The following BMPR2 variants were observed in gnomAD, a reference collection of about 807,000 sequenced individuals.
BMPR2 encodes bone morphogenetic protein receptor type 2, also known as bone morphogenetic protein receptor type-2.
A neutral mutation model predicts 100.8 loss-of-function variants in BMPR2; 29 were observed. That is an observed-to-expected ratio of 0.29 (90% CI 0.21 to 0.39). BMPR2 has a LOEUF of 0.39. BMPR2 is among the 10% of genes least tolerant of loss of function. BMPR2 has a pLI of 1.00. For synonymous variants in BMPR2, 382 were observed against 442.3 expected (o/e 0.86, Z 1.71); for missense variants, 1,011 against 1,274.5 (o/e 0.79, Z 3.15).
chr2:202,377,388 G>A lies in BMPR2; in HGVS notation c.-87G>A. ...ATACGGGCAGGATCAGTCCACGGGA[G>A]AGAAGACGAGCCTCCCGGCTGTTTC... On this transcript the variant is annotated 5_prime_UTR_variant, in exon 1 of 13. Transcript: ENST00000374580. 1 of 1,300,590 alleles carries A rather than the reference G, an allele frequency of 7.7e-7. No homozygotes were observed. Among genetic ancestry groups the A allele is most frequent in the South Asian group, 1.2e-5 (1 of 84,894 alleles). 80.6% of individuals were successfully genotyped at this position (1,300,590 alleles called of 1,614,324 possible).
At chr2:202,483,933 TAAAAA>T (rs967246899) in intron 3 of BMPR2, among the ~76,000 whole-genome samples, 2 of 151,878 alleles carry the variant, frequency 1.3e-5, no homozygotes, top group African/African-American at 4.8e-5. Context: ...CTCTGAAAAA[TAAAAA>T]GAAAAGTTAG....
At chr2:202,473,184 C>T (rs1192118103) in intron 3 of BMPR2, among the ~76,000 whole-genome samples, 3 of 152,262 alleles carry the variant, frequency 2.0e-5, no homozygotes, top group Non-Finnish European at 2.9e-5. Context: ...CACAGTGGCT[C>T]ATGCCTGTAA....
At chr2:202,390,064 T>C (rs557159923) in intron 1 of BMPR2, among the ~76,000 whole-genome samples, 1 of 152,006 alleles carries the variant, frequency 6.6e-6, no homozygotes, top group Admixed American at 6.6e-5. Flanking sequence ...CCAGTGTTAA[T>C]AGTTGGTGTA....
chr2:202,457,559 TATAGAG>T (rs1218647264), intron 1 of BMPR2, among the ~76,000 whole-genome samples: 7,307 of 88,750 alleles, frequency 0.082, 194 homozygotes, highest in Middle Eastern at 0.15. Flanking sequence ...TATATATATA[TATAGAG>T]AGAGAGAGAG....
intron 1 of BMPR2, among the ~76,000 whole-genome samples, chr2:202,400,547 A>C (rs561456189): frequency 6.6e-6 from 1 of 152,300 alleles, no homozygotes; most frequent in South Asian, 2.1e-4. Context: ...TTCTTTTAAA[A>C]GTACTGGTAG....
At chr2:202,482,702 C>G (rs1692684663) in intron 3 of BMPR2, among the ~76,000 whole-genome samples, 1 of 152,128 alleles carries the variant, frequency 6.6e-6, no homozygotes, top group South Asian at 2.1e-4. Context: ...CTATGTCCAG[C>G]TAATTTTTTT....
chr2:202,404,866 T>C (rs1690856033), intron 1 of BMPR2, among the ~76,000 whole-genome samples: 1 of 152,066 alleles, frequency 6.6e-6, no homozygotes. Context: ...AGGATCTTGC[T>C]CTGCCAGGCT....
chr2:202,478,739 GTC>G (rs1692599064), intron 3 of BMPR2, among the ~76,000 whole-genome samples: 1 of 152,002 alleles, frequency 6.6e-6, no homozygotes, highest in Non-Finnish European at 1.5e-5. Context: ...GCAAAACCCC[GTC>G]TCTACAAAAA....
At chr2:202,535,848 C>G (rs1445885891) in intron 9 of BMPR2, among the ~76,000 whole-genome samples, 1 of 152,172 alleles carries the variant, frequency 6.6e-6, no homozygotes, top group Admixed American at 6.5e-5. Flanking sequence ...CTCGGGAGGC[C>G]GAGGCTGGCG....
chr2:202,437,150 C>T (rs999186639), intron 1 of BMPR2, among the ~76,000 whole-genome samples: 5 of 150,238 alleles, frequency 3.3e-5, no homozygotes, highest in Admixed American at 6.6e-5. Context: ...GGATTACAGG[C>T]GGGCGCCACC....
intron 7 of BMPR2, among the ~76,000 whole-genome samples, chr2:202,528,807 T>C (rs1687965022): frequency 6.6e-6 from 1 of 152,222 alleles, no homozygotes; most frequent in Admixed American, 6.5e-5. Context: ...AAATCATAAA[T>C]CAAACCATCT....
chr2:202,524,229 G>A (rs1042336421), intron 7 of BMPR2, among the ~76,000 whole-genome samples: 1 of 151,980 alleles, frequency 6.6e-6, no homozygotes, highest in Non-Finnish European at 1.5e-5. Context: ...GGGTGTGGTG[G>A]TGGGCGCCTG....
At chr2:202,558,905 A>C (rs1248643000) in intron 12 of BMPR2, among the ~76,000 whole-genome samples, 1 of 151,850 alleles carries the variant, frequency 6.6e-6, no homozygotes, top group East Asian at 1.9e-4. Context: ...AAAAAAAAAA[A>C]AAAAAATCTT....
At chr2:202,399,771 C>G (rs1046650599) in intron 1 of BMPR2, among the ~76,000 whole-genome samples, 1 of 152,120 alleles carries the variant, frequency 6.6e-6, no homozygotes, top group Non-Finnish European at 1.5e-5. Flanking sequence ...AAGCCTACTT[C>G]TCTAATATAC....
chr2:202,470,734 G>A (rs1312053093), intron 3 of BMPR2, among the ~76,000 whole-genome samples: 2 of 144,968 alleles, frequency 1.4e-5, no homozygotes, highest in South Asian at 2.2e-4. Flanking sequence ...ACTGCAGTCC[G>A]CAGTCCGGCC....
rs372707259 is a variant in BMPR2 at position 202,446,808 on chromosome 2, C to T, written c.77-18001C>T. 1.9e-4 allele frequency among the ~76,000 whole-genome samples: 28 copies of T among 149,464 alleles called. 1 individual carries two copies. In the East Asian group the frequency reaches 2.2e-3, roughly 12 times the overall value. On this transcript the variant is annotated intron_variant, in intron 1 of 12. Coordinates refer to ENST00000374580, the MANE Select transcript of BMPR2 (RefSeq NM_001204.7). ...TGGGATCACAGGCATGTACCTACCA[C>T]GCCCTGCTAATTTGTGTATTTTTAG...
At chr2:202,554,771 C>G (rs13013718) in intron 11 of BMPR2, among the ~76,000 whole-genome samples, 2,513 of 152,288 alleles carry the variant, frequency 0.017, 44 homozygotes, top group Admixed American at 0.032. Flanking sequence ...TTGGAACAAC[C>G]TAAAAGCTTA....
intron 1 of BMPR2, among the ~76,000 whole-genome samples, chr2:202,401,690 G>A (rs1690771382): frequency 6.6e-6 from 1 of 152,152 alleles, no homozygotes; most frequent in Non-Finnish European, 1.5e-5. Flanking sequence ...CAAAAGGTGA[G>A]CCAAAATATT....
At chr2:202,425,449 A>C (rs1305697653) in intron 1 of BMPR2, among the ~76,000 whole-genome samples, 4 of 152,218 alleles carry the variant, frequency 2.6e-5, no homozygotes, top group Non-Finnish European at 4.4e-5. Flanking sequence ...ATTGGCCAAA[A>C]CTTTGTGATT....
Sources: gnomAD v4.1 joint callset for allele counts (sites outside exome capture counted in the v4.1 genomes callset) on GRCh38, gnomAD v4.1.1 for gene constraint, MANE v1.5 for transcripts, NCBI Gene and HGNC (gene_info 2026-07-23, HGNC 2026-07-21) for gene names.